BNC2: variants seen among roughly 807,000 people sequenced by gnomAD.
BNC2 encodes the protein zinc finger protein basonuclin-2.
BNC2 carries 20 observed loss-of-function variants against 76.3 expected under a neutral mutation model. That is an observed-to-expected ratio of 0.26 (90% CI 0.18 to 0.38). BNC2 has a LOEUF of 0.38. Among genes scored for constraint, BNC2 ranks in the 10% least tolerant of loss-of-function variants. The pLI is 1.00. For synonymous variants in BNC2, 582 were observed against 514.8 expected (o/e 1.13, Z -1.77); for missense variants, 1,382 against 1,399.8 (o/e 0.99, Z 0.20).
chr9:16,602,062 A>G (rs1003736737), intron 3 of BNC2, among the ~76,000 whole-genome samples: 1 of 152,088 alleles, frequency 6.6e-6, no homozygotes, highest in Non-Finnish European at 1.5e-5. Context: ...CTGCTTTCAT[A>G]ATTTTTGTCA....
intron 6 of BNC2, among the ~76,000 whole-genome samples, chr9:16,434,545 C>G (rs1345776015): frequency 6.6e-6 from 1 of 152,160 alleles, no homozygotes; most frequent in East Asian, 1.9e-4. Flanking sequence ...GCTGTGTGAC[C>G]CGAGTTGGGC....
chr9:16,793,721 A>G (rs1305071705), intron 1 of BNC2, among the ~76,000 whole-genome samples: 1 of 127,858 alleles, frequency 7.8e-6, no homozygotes, highest in African/African-American at 3.0e-5. Context: ...GCTTGAGTGC[A>G]GTGGCGTGAT....
At chr9:16,482,089 C>CTA (rs1822068881) in intron 5 of BNC2, among the ~76,000 whole-genome samples, 3 of 152,072 alleles carry the variant, frequency 2.0e-5, no homozygotes, top group Non-Finnish European at 4.4e-5. Context: ...AAACTGTTGT[C>CTA]AGTAATAAAA....
intron 1 of BNC2, among the ~76,000 whole-genome samples, chr9:16,744,159 C>T (rs1419281731): frequency 2.0e-5 from 3 of 152,052 alleles, no homozygotes; most frequent in African/African-American, 7.2e-5. Context: ...TTAGTAGAGA[C>T]GGGTTTTCAC....
chr9:16,428,063 T>C (rs1488943579), intron 6 of BNC2, among the ~76,000 whole-genome samples: 2 of 152,188 alleles, frequency 1.3e-5, no homozygotes, highest in Non-Finnish European at 2.9e-5. Context: ...ACTGCTGAAA[T>C]GGATGCTAAT....
chr9:16,769,649 T>G (rs141936137), intron 1 of BNC2, among the ~76,000 whole-genome samples: 128 of 152,278 alleles, frequency 8.4e-4, no homozygotes, highest in African/African-American at 3.0e-3. Context: ...TGCCCCTTAC[T>G]AGTCACACCG....
At chr9:16,801,687 C>T (rs1817783475) in intron 1 of BNC2, among the ~76,000 whole-genome samples, 1 of 150,366 alleles carries the variant, frequency 6.7e-6, no homozygotes, top group South Asian at 2.1e-4. Context: ...GAAAGCCATG[C>T]CAAAAGAAGC....
In BNC2 at chr9:16,638,026, T is replaced by C. The variant is rs563325435; in HGVS notation, c.331-54941A>G. Among the ~76,000 whole-genome samples the C allele has an allele frequency of 2.0e-5, 3 of 152,356 alleles. No homozygotes were observed. The South Asian group carries it at 6.2e-4, about 32-fold the overall frequency. On this transcript the variant is annotated intron_variant, in intron 3 of 6. Coordinates refer to ENST00000380672, the MANE Select transcript of BNC2 (RefSeq NM_017637.6). Reference sequence around the variant, plus strand: ...CATCATAGGCAACTATAATTAGCAATGGATGACTCCGAGCAGGATTGGATC... The same window carrying C: ...CATCATAGGCAACTATAATTAGCAACGGATGACTCCGAGCAGGATTGGATC...
intron 3 of BNC2, among the ~76,000 whole-genome samples, chr9:16,649,929 T>C (rs1587273462): frequency 6.6e-6 from 1 of 152,150 alleles, no homozygotes; most frequent in Non-Finnish European, 1.5e-5. Context: ...TTCTGTAATC[T>C]TGCATTTTCA....
At chr9:16,512,203 T>C (rs923082573) in intron 5 of BNC2, among the ~76,000 whole-genome samples, 4 of 152,208 alleles carry the variant, frequency 2.6e-5, no homozygotes, top group Non-Finnish European at 4.4e-5. Context: ...AAAAGGGTGT[T>C]TGATCATCAA....
chr9:16,454,130 G>A (rs1447046928), intron 5 of BNC2, among the ~76,000 whole-genome samples: 1 of 151,810 alleles, frequency 6.6e-6, no homozygotes, highest in Non-Finnish European at 1.5e-5. Context: ...GTCCCATTCT[G>A]CTTTTTTTTG....
intron 5 of BNC2, among the ~76,000 whole-genome samples, chr9:16,520,294 G>T (rs977329400): frequency 6.6e-6 from 1 of 152,170 alleles, no homozygotes; most frequent in African/African-American, 2.4e-5. Context: ...AACATCGAAG[G>T]TCAGTGCTTC....
intron 4 of BNC2, among the ~76,000 whole-genome samples, chr9:16,576,665 C>G (rs571960204): frequency 6.6e-6 from 1 of 152,174 alleles, no homozygotes; most frequent in East Asian, 1.9e-4. Flanking sequence ...ATGCCTCCAA[C>G]GAACTTGAGG....
chr9:16,707,893 T>G (rs1823725345), intron 3 of BNC2, among the ~76,000 whole-genome samples: 1 of 152,126 alleles, frequency 6.6e-6, no homozygotes, highest in Non-Finnish European at 1.5e-5. Flanking sequence ...CTGCCCACCT[T>G]AGCCTCCCAA....
chr9:16,787,947 G>A (rs1013490228), intron 1 of BNC2, among the ~76,000 whole-genome samples: 3 of 152,166 alleles, frequency 2.0e-5, no homozygotes, highest in Non-Finnish European at 2.9e-5. Flanking sequence ...TAGCACACAA[G>A]ATGAGTCAGC....
At chr9:16,473,600 C>T (rs537751222) in intron 5 of BNC2, among the ~76,000 whole-genome samples, 8 of 152,210 alleles carry the variant, frequency 5.3e-5, no homozygotes, top group African/African-American at 1.9e-4. Context: ...TGGGACCGGG[C>T]GTGGTGGCTC....
chr9:16,436,396 T>C lies in BNC2; in HGVS notation c.1798A>G (p.Thr600Ala). 1 of 1,614,124 alleles carries C rather than the reference T, an allele frequency of 6.2e-7. No individual in the cohort carries two copies. Among genetic ancestry groups the C allele is most frequent in the Non-Finnish European group, 8.5e-7 (1 of 1,180,028 alleles). The change falls in exon 6 of 7, where the codon ACC (threonine) becomes GCC (alanine). Residue 600 changes from threonine to alanine, a missense_variant. Coordinates refer to ENST00000380672, the MANE Select transcript of BNC2 (RefSeq NM_017637.6). ...GGTGGCGGGGGGTGCTGCTCTATGG[T>C]ACCACTGGTTGGAATGATGGGACTG... ...PTSPIIPTSGTIEQHPPPPSE... is the reference protein window; with the variant it reads ...PTSPIIPTSGAIEQHPPPPSE...
intron 1 of BNC2, among the ~76,000 whole-genome samples, chr9:16,836,222 G>T (rs888663379): frequency 6.6e-6 from 1 of 152,006 alleles, no homozygotes; most frequent in African/African-American, 2.4e-5. Flanking sequence ...CCTTTCCTTT[G>T]TGGGCCAAGT....
In BNC2 at chr9:16,411,316, C is replaced by G. The variant is rs941965501; in HGVS notation, c.*7673G>C. 1.3e-5 allele frequency: 2 copies of G among 152,622 alleles called. No individual in the cohort carries two copies. Among genetic ancestry groups the G allele is most frequent in the Non-Finnish European group, 2.9e-5 (2 of 68,034 alleles). 9.5% of individuals were successfully genotyped at this position (152,622 alleles called of 1,614,324 possible). ...TTGGTATAGCACTTAGATACTCTCTCTTCAAGAAATATACTTTCAATACTA... is the reference window on the plus strand; with the variant it reads ...TTGGTATAGCACTTAGATACTCTCTGTTCAAGAAATATACTTTCAATACTA... On this transcript the variant is annotated 3_prime_UTR_variant, in exon 7 of 7. Coordinates refer to ENST00000380672, the MANE Select transcript of BNC2 (RefSeq NM_017637.6).
Sources: gnomAD v4.1 joint callset for allele counts (sites outside exome capture counted in the v4.1 genomes callset) on GRCh38, gnomAD v4.1.1 for gene constraint, MANE v1.5 for transcripts, NCBI Gene and HGNC (gene_info 2026-07-23, HGNC 2026-07-21) for gene names.